NCK1: variants seen among roughly 807,000 people sequenced by gnomAD.
NCK1 encodes NCK adaptor protein 1, also known as SH2/SH3 adapter protein NCK1.
A neutral mutation model predicts 36.6 loss-of-function variants in NCK1; 19 were observed. The observed-to-expected ratio is 0.52, with a 90% CI of 0.36 to 0.76. The LOEUF is 0.76. Ranked by LOEUF, NCK1 falls within the 30% of genes least tolerant of loss-of-function variation. NCK1 has a pLI of 0.00. For synonymous variants in NCK1, 165 were observed against 156.0 expected, an observed-to-expected ratio of 1.06 and a Z score of -0.43; for missense variants, 358 against 445.6, an observed-to-expected ratio of 0.80 and a Z score of 1.77.
At chr3:136,911,569 A>G (rs1939828297) in intron 1 of NCK1, among the ~76,000 whole-genome samples, 2 of 152,090 alleles carry the variant, frequency 1.3e-5, no homozygotes, top group African/African-American at 2.4e-5. Flanking sequence ...TCTTTTGCCT[A>G]TTCTAAAACC....
At chr3:136,928,268 G>A in intron 2 of NCK1, 41 bp downstream of exon 2, 1 of 1,523,300 alleles carries the variant, frequency 6.6e-7, no homozygotes, top group Non-Finnish European at 8.9e-7. Flanking sequence ...TGTTTTAAAT[G>A]AAACCTGCAA....
At chr3:136,919,181 G>T (rs1940043676) in intron 1 of NCK1, among the ~76,000 whole-genome samples, 1 of 152,148 alleles carries the variant, frequency 6.6e-6, no homozygotes, top group Non-Finnish European at 1.5e-5. Context: ...CAAATTAATG[G>T]TTGGGGATGG....
At chr3:136,923,505 G>T (rs1467976134) in intron 1 of NCK1, among the ~76,000 whole-genome samples, 4 of 151,814 alleles carry the variant, frequency 2.6e-5, no homozygotes, top group Admixed American at 2.6e-4. Context: ...CAGTGAGCCA[G>T]GGTCGCTCCA....
chr3:136,920,448 C>G (rs1224899879), intron 1 of NCK1, among the ~76,000 whole-genome samples: 2 of 151,904 alleles, frequency 1.3e-5, no homozygotes, highest in Non-Finnish European at 2.9e-5. Context: ...GGAGACAGAG[C>G]AAAGGAATGA....
chr3:136,935,845 TCTC>T (rs1940515596), intron 2 of NCK1, among the ~76,000 whole-genome samples: 1 of 152,090 alleles, frequency 6.6e-6, no homozygotes, highest in African/African-American at 2.4e-5. Context: ...AAATAGTCAC[TCTC>T]AATCAGTCCC....
chr3:136,913,515 G>T (rs977951347), intron 1 of NCK1, among the ~76,000 whole-genome samples: 1 of 152,080 alleles, frequency 6.6e-6, no homozygotes, highest in Non-Finnish European at 1.5e-5. Context: ...CAGTCCTCCC[G>T]CTTTGGCCTC....
intron 2 of NCK1, 36 bp from the exon 3 acceptor site, chr3:136,945,547 A>C: frequency 1.3e-5 from 17 of 1,347,994 alleles, no homozygotes; most frequent in Non-Finnish European, 1.6e-5. Context: ...TCATTTTTTT[A>C]TATTCTCCTC....
At chr3:136,871,625 A>C (rs1938620727) in intron 1 of NCK1, among the ~76,000 whole-genome samples, 1 of 152,050 alleles carries the variant, frequency 6.6e-6, no homozygotes, top group Non-Finnish European at 1.5e-5. Flanking sequence ...CTATCGCCAT[A>C]AACTATTTTT....
At chr3:136,937,364 G>A (rs1940558572) in intron 2 of NCK1, among the ~76,000 whole-genome samples, 1 of 152,088 alleles carries the variant, frequency 6.6e-6, no homozygotes, top group Non-Finnish European at 1.5e-5. Context: ...TGATTACTGT[G>A]GCTTTGTAGT....
chr3:136,888,001 A>G (rs150531476), intron 1 of NCK1, among the ~76,000 whole-genome samples: 14 of 149,486 alleles, frequency 9.4e-5, no homozygotes, highest in East Asian at 8.0e-4. Context: ...CTGGAGTGCA[A>G]TGGCATGATC....
intron 2 of NCK1, among the ~76,000 whole-genome samples, chr3:136,944,493 A>C (rs1280010719): frequency 6.6e-6 from 1 of 152,190 alleles, no homozygotes; most frequent in Non-Finnish European, 1.5e-5. Flanking sequence ...AAAATAAATA[A>C]ATTACCAAAA....
chr3:136,890,670 C>T (rs1273741428), intron 1 of NCK1, among the ~76,000 whole-genome samples: 1 of 152,154 alleles, frequency 6.6e-6, no homozygotes, highest in Admixed American at 6.5e-5. Context: ...TCCCTTATGC[C>T]TATTACGAGT....
chr3:136,882,167 T>TA (rs1400442045), intron 1 of NCK1, among the ~76,000 whole-genome samples: 1 of 151,922 alleles, frequency 6.6e-6, no homozygotes, highest in Admixed American at 6.6e-5. Flanking sequence ...CCAATATCAT[T>TA]ACATTTTCAC....
At chr3:136,862,601 T>C (rs1433561078) in intron 1 of NCK1, among the ~76,000 whole-genome samples, 1 of 152,196 alleles carries the variant, frequency 6.6e-6, no homozygotes, top group African/African-American at 2.4e-5. Flanking sequence ...GCGGCCTCCT[T>C]GTCAGCCCCT....
intron 1 of NCK1, among the ~76,000 whole-genome samples, chr3:136,869,230 ACT>A (rs1938536531): frequency 6.8e-6 from 1 of 146,912 alleles, no homozygotes; most frequent in African/African-American, 2.5e-5. Context: ...ACAGAGCAAG[ACT>A]CTGTCTCAAA....
rs953993156 is a variant in NCK1, at chr3:136,950,718, C to T, written c.*2265C>T. On this transcript the variant is annotated 3_prime_UTR_variant, in exon 4 of 4. Transcript: ENST00000481752. ...GGTGTCTGTATCGTGACACACTACTCTGTGTATGCTTGGTTTTAGACTAGG... is the reference window on the plus strand; with the variant it reads ...GGTGTCTGTATCGTGACACACTACTTTGTGTATGCTTGGTTTTAGACTAGG... Among the ~76,000 whole-genome samples the T allele has an allele frequency of 2.6e-5, 4 of 152,114 alleles. No homozygotes were observed. The highest frequency in any genetic ancestry group is 4.4e-5 in the Non-Finnish European group (3 of 68,000).
intron 1 of NCK1, among the ~76,000 whole-genome samples, chr3:136,883,546 T>A (rs915121099): frequency 2.0e-5 from 3 of 152,210 alleles, no homozygotes; most frequent in African/African-American, 7.2e-5. Flanking sequence ...GTCACAGCAT[T>A]TTTTGCAACC....
chr3:136,943,942 G>A (rs1940740246), intron 2 of NCK1, among the ~76,000 whole-genome samples: 1 of 152,000 alleles, frequency 6.6e-6, no homozygotes, highest in African/African-American at 2.4e-5. Context: ...TGAGAAGGCT[G>A]AGGACTTTAA....
At chr3:136,871,063 T>G (rs78078379) in intron 1 of NCK1, among the ~76,000 whole-genome samples, 2,648 of 152,268 alleles carry the variant, frequency 0.017, 86 homozygotes, top group African/African-American at 0.061. Flanking sequence ...GATTAATTCC[T>G]GTTGTGGATC....
Sources: allele counts gnomAD v4.1 joint callset (sites outside exome capture counted in the v4.1 genomes callset), GRCh38; gene constraint gnomAD v4.1.1; transcripts MANE v1.5; gene names NCBI Gene and HGNC (gene_info 2026-07-23, HGNC 2026-07-21).